The following EIF3D variants were observed in gnomAD, a reference collection of about 807,000 sequenced individuals.
The protein encoded by EIF3D is eukaryotic translation initiation factor 3 subunit D, also known as eIF3 p66.
In EIF3D, 10 loss-of-function variants were observed where a neutral mutation model predicts 75.4. That is an observed-to-expected ratio of 0.13 (90% CI 0.08 to 0.22). The LOEUF (loss-of-function observed/expected upper bound fraction) is 0.22. EIF3D is among the 10% of genes least tolerant of loss of function. The pLI, the probability that EIF3D is intolerant of heterozygous loss-of-function variation, is 1.00. For synonymous variants in EIF3D, 246 were observed against 248.3 expected (o/e 0.99, Z 0.09); for missense variants, 394 against 708.0 (o/e 0.56, Z 5.03).
intron 12 of EIF3D, among the ~76,000 whole-genome samples, chr22:36,513,533 C>G (rs796880413): frequency 5.9e-5 from 9 of 152,272 alleles, no homozygotes; most frequent in African/African-American, 1.9e-4. Flanking sequence ...GAACTCCTGA[C>G]CTCAGGTGAT....
chr22:36,516,286 C>T, intron 12 of EIF3D, 192 bp downstream of exon 12: 1 of 629,560 alleles, frequency 1.6e-6, no homozygotes, highest in African/African-American at 1.8e-5. Context: ...GTTCTACACA[C>T]ACAGTCATGC....
At chr22:36,512,093 T>A (rs1689429311) in intron 13 of EIF3D, among the ~76,000 whole-genome samples, 1 of 152,108 alleles carries the variant, frequency 6.6e-6, no homozygotes, top group South Asian at 2.1e-4. Flanking sequence ...GGTTTCATCG[T>A]GTTAGCCAGG....
chr22:36,517,595 G>C (rs1934448427), intron 9 of EIF3D, 164 bp from the exon 10 acceptor site: 1 of 647,506 alleles, frequency 1.5e-6, no homozygotes, highest in Non-Finnish European at 2.4e-6. Flanking sequence ...AAGCGGGGGA[G>C]TGGGGCAGCT....
intron 13 of EIF3D, among the ~76,000 whole-genome samples, chr22:36,512,253 A>G (rs1481700957): frequency 6.6e-6 from 1 of 152,124 alleles, no homozygotes; most frequent in Non-Finnish European, 1.5e-5. Flanking sequence ...TCTGGATTTC[A>G]TTGACACCAT....
At chr22:36,518,156 G>A (rs1397014192) in intron 9 of EIF3D, among the ~76,000 whole-genome samples, 1 of 152,094 alleles carries the variant, frequency 6.6e-6, no homozygotes, top group Non-Finnish European at 1.5e-5. Context: ...CACTGAACAA[G>A]GTATGCAAGA....
intron 6 of EIF3D, among the ~76,000 whole-genome samples, chr22:36,522,095 T>A (rs1221567418): frequency 6.6e-6 from 1 of 152,176 alleles, no homozygotes; most frequent in Admixed American, 6.5e-5. Context: ...GGCTCATGGC[T>A]GTAACCCCAG....
chr22:36,523,701 A>G (rs1276004920), intron 5 of EIF3D, among the ~76,000 whole-genome samples, 194 bp downstream of exon 5: 2 of 145,360 alleles, frequency 1.4e-5, no homozygotes, highest in Non-Finnish European at 3.2e-5. Context: ...ACAAGGAGTT[A>G]GTTTCCTGCC....
At chr22:36,520,940 G>A (rs1203978935) in intron 6 of EIF3D, among the ~76,000 whole-genome samples, 2 of 151,794 alleles carry the variant, frequency 1.3e-5, no homozygotes, top group African/African-American at 2.4e-5. Context: ...ATAAAACGGA[G>A]GGGCTCAGTG....
intron 5 of EIF3D, among the ~76,000 whole-genome samples, chr22:36,523,679 C>G (rs150332616): frequency 6.0e-4 from 91 of 152,230 alleles, no homozygotes; most frequent in Middle Eastern, 3.4e-3. Context: ...CCCTTTAGTG[C>G]GCATGACCAG....
rs117634709 is a variant in EIF3D at position 36,511,901 on chromosome 22, T to C, written c.1350-115A>G. 3,024 of 1,436,004 alleles carry C rather than the reference T, an allele frequency of 2.1e-3. 57 individuals carry two copies. The East Asian group carries it at 0.043, about 21-fold the overall frequency. 89.0% of individuals were successfully genotyped at this position (1,436,004 alleles called of 1,614,324 possible). ...GGTCCACTGCTATTTTTTCTTTTTT[T>C]TTTTTTTGAGACGGAGTCTGGCTCT... On this transcript the variant is annotated intron_variant, in intron 13 of 14. Coordinates refer to ENST00000216190, the MANE Select transcript of EIF3D (RefSeq NM_003753.4).
intron 12 of EIF3D, among the ~76,000 whole-genome samples, chr22:36,513,793 C>CA (rs1170498954): frequency 1.3e-5 from 2 of 152,184 alleles, no homozygotes; most frequent in Non-Finnish European, 2.9e-5. Flanking sequence ...TGAACCCAAG[C>CA]GATTCTCCCA....
At position 36,520,581 on chromosome 22, in the gene EIF3D, C is replaced by T; in HGVS notation, c.573G>A (p.Gln191=). Residue 191 remains glutamine (Q), a synonymous_variant, in exon 7 of 15, where the codon CAG becomes CAA. Transcript: ENST00000216190. Reference sequence around the variant, plus strand: ...TAGTAAAAGATGCTGCTTACATGTCCTGTGGCTCTGATACTTCCAAGTAGC... The same window carrying T: ...TAGTAAAAGATGCTGCTTACATGTCTTGTGGCTCTGATACTTCCAAGTAGC... ...KMRYLEVSEP[Q]DIECCGALEY... 6.2e-7 allele frequency: 1 copy of T among 1,610,414 alleles called. No homozygotes were observed. The highest frequency in any genetic ancestry group is 8.5e-7 in the Non-Finnish European group (1 of 1,176,862).
chr22:36,511,449 T>A, intron 14 of EIF3D, 54 bp downstream of exon 14: 3 of 1,597,936 alleles, frequency 1.9e-6, no homozygotes, highest in Non-Finnish European at 2.6e-6. Flanking sequence ...CAGAGCTTGC[T>A]CCCGTGCTAG....
At chr22:36,520,160 A>ATTT (rs35646898) in intron 7 of EIF3D, among the ~76,000 whole-genome samples, 1 of 146,234 alleles carries the variant, frequency 6.8e-6, no homozygotes, top group East Asian at 2.0e-4. Flanking sequence ...CTTGGTCTTG[A>ATTT]TTTTTTTTTT....
intron 9 of EIF3D, 64 bp from the exon 10 acceptor site, chr22:36,517,495 T>C (rs989003129): frequency 6.7e-7 from 1 of 1,502,712 alleles, no homozygotes; most frequent in Non-Finnish European, 8.9e-7. Context: ...TGCGCAGCGC[T>C]GTGGGGAGAT....
chr22:36,518,950 C>T lies in EIF3D; in HGVS notation c.712-40G>A, dbSNP rs770560102. The T allele has an allele frequency of 9.3e-6, 15 of 1,606,540 alleles. No homozygotes were observed. In the African/African-American group the frequency reaches 1.7e-4, roughly 19 times the overall value. Reference sequence around the variant, plus strand: ...AAAGAGAGAAGATGGAAAGACACTCCCAGGTCTCACTGCCCACTCACATGG... The same window carrying T: ...AAAGAGAGAAGATGGAAAGACACTCTCAGGTCTCACTGCCCACTCACATGG... On this transcript the variant is annotated intron_variant, in intron 8 of 14. Transcript: ENST00000216190.
intron 3 of EIF3D, among the ~76,000 whole-genome samples, chr22:36,524,933 T>C (rs1030704740): frequency 1.3e-5 from 2 of 152,186 alleles, no homozygotes; most frequent in Non-Finnish European, 2.9e-5. Flanking sequence ...GGATGATTCA[T>C]ATGCACATTC....
chr22:36,528,480 G>T lies in EIF3D; in HGVS notation c.-11+596C>A, dbSNP rs573159601. Reference sequence around the variant, plus strand: ...AGAAACTGAGCCGCTCAGCAAAAACGAAGTAACAGCTGTACTAGTCACAGG... The same window carrying T: ...AGAAACTGAGCCGCTCAGCAAAAACTAAGTAACAGCTGTACTAGTCACAGG... On this transcript the variant is annotated intron_variant, in intron 1 of 14. Coordinates refer to ENST00000216190, the MANE Select transcript of EIF3D (RefSeq NM_003753.4). 3.6e-3 allele frequency among the ~76,000 whole-genome samples: 548 copies of T among 150,790 alleles called. 3 individuals carry two copies. Among genetic ancestry groups the T allele is most frequent in the Non-Finnish European group, 6.3e-3 (429 of 67,864 alleles).
intron 13 of EIF3D, 101 bp from the exon 14 acceptor site, chr22:36,511,887 A>ATT (rs1275208358): frequency 4.7e-5 from 62 of 1,330,304 alleles, no homozygotes; most frequent in Middle Eastern, 2.8e-4. Flanking sequence ...GTCCACTGCT[A>ATT]TTTTTTCTTT....
Sources: gnomAD v4.1 joint callset for allele counts (sites outside exome capture counted in the v4.1 genomes callset) on GRCh38, gnomAD v4.1.1 for gene constraint, MANE v1.5 for transcripts, NCBI Gene and HGNC (gene_info 2026-07-23, HGNC 2026-07-21) for gene names.